Variants in PARP8 observed in about 807,000 individuals in gnomAD.
PARP8 encodes protein mono-ADP-ribosyltransferase PARP8.
PARP8 carries 51 observed loss-of-function variants against 124.1 expected under a neutral mutation model. That is an observed-to-expected ratio of 0.41 (90% CI 0.33 to 0.52). The LOEUF (loss-of-function observed/expected upper bound fraction) is 0.52. Ranked by LOEUF, PARP8 falls within the 20% of genes least tolerant of loss-of-function variation. The probability of loss-of-function intolerance (pLI) is 0.21; values close to 1 mark genes in which losing one functional copy is unlikely to be tolerated. For missense variants in PARP8, 860 were observed against 1,018.9 expected, an observed-to-expected ratio of 0.84 and a Z score of 2.12; for synonymous variants, 391 against 361.5, an observed-to-expected ratio of 1.08 and a Z score of -0.93.
At chr5:50,744,990 T>A in intron 2 of PARP8, 1 of 495,226 alleles carries the variant, frequency 2.0e-6, no homozygotes, top group Non-Finnish European at 3.6e-6. Flanking sequence ...CTTGAGCCAA[T>A]CATCCATGTC....
At chr5:50,744,954 G>C in intron 2 of PARP8, 1 of 544,712 alleles carries the variant, frequency 1.8e-6, no homozygotes, top group Non-Finnish European at 3.3e-6. Flanking sequence ...TTCTTTCCAC[G>C]TTTTTTTGGT....
intron 2 of PARP8, among the ~76,000 whole-genome samples, chr5:50,672,838 G>A (rs1750188193): frequency 6.6e-6 from 1 of 152,082 alleles, no homozygotes. Flanking sequence ...GAAAGGAGAA[G>A]TGTATGTGTG....
At chr5:50,746,656 C>A (rs1758574027) in intron 2 of PARP8, among the ~76,000 whole-genome samples, 1 of 152,108 alleles carries the variant, frequency 6.6e-6, no homozygotes, top group Admixed American at 6.5e-5. Context: ...AAAGGTGTTA[C>A]CTCTGATATA....
At chr5:50,736,114 T>TAAC (rs752330326) in intron 2 of PARP8, among the ~76,000 whole-genome samples, 4 of 151,824 alleles carry the variant, frequency 2.6e-5, no homozygotes, top group Non-Finnish European at 4.4e-5. Context: ...CCATCAACAA[T>TAAC]AACAACAATC....
intron 14 of PARP8, among the ~76,000 whole-genome samples, chr5:50,803,323 C>T (rs1445214231): frequency 2.6e-5 from 4 of 152,028 alleles, no homozygotes; most frequent in African/African-American, 9.7e-5. Context: ...TAAATTTATC[C>T]TATTTGGAGT....
At chr5:50,807,656 C>A (rs770453747) in intron 14 of PARP8, among the ~76,000 whole-genome samples, 1 of 152,060 alleles carries the variant, frequency 6.6e-6, no homozygotes, top group Non-Finnish European at 1.5e-5. Context: ...TCACCTCAAT[C>A]GTGGATTGGT....
intron 9 of PARP8, among the ~76,000 whole-genome samples, chr5:50,780,917 G>A (rs867379052): frequency 2.4e-5 from 1 of 42,092 alleles, no homozygotes; most frequent in Non-Finnish European, 4.4e-5. Context: ...GTTTTGTTGT[G>A]TACTTTTTGG....
At chr5:50,788,721 C>T (rs1331597565) in intron 10 of PARP8, 132 bp downstream of exon 10, 1 of 708,804 alleles carries the variant, frequency 1.4e-6, no homozygotes, top group African/African-American at 1.8e-5. Context: ...GAGAGGAAAT[C>T]ATCATGATGC....
chr5:50,753,507 C>T (rs1217791094), intron 3 of PARP8, among the ~76,000 whole-genome samples: 2 of 151,928 alleles, frequency 1.3e-5, no homozygotes, highest in African/African-American at 4.8e-5. Context: ...TTTTTAGTGA[C>T]AATACTTTCC....
intron 7 of PARP8, among the ~76,000 whole-genome samples, chr5:50,764,470 AT>A (rs1266156811): frequency 1.3e-5 from 2 of 152,234 alleles, no homozygotes; most frequent in Non-Finnish European, 2.9e-5. Flanking sequence ...CACAGCTGTA[AT>A]TTATAATTGC....
intron 2 of PARP8, among the ~76,000 whole-genome samples, chr5:50,733,887 T>G (rs1420464803): frequency 2.0e-5 from 3 of 152,164 alleles, no homozygotes; most frequent in Non-Finnish European, 4.4e-5. Context: ...ACTTACTTGT[T>G]TCTGGTACGT....
intron 14 of PARP8, among the ~76,000 whole-genome samples, chr5:50,805,486 A>C (rs1194566103): frequency 6.6e-6 from 1 of 152,108 alleles, no homozygotes; most frequent in Non-Finnish European, 1.5e-5. Context: ...TATAGGTAGA[A>C]GTTTGGCTTT....
intron 14 of PARP8, among the ~76,000 whole-genome samples, chr5:50,806,306 A>G (rs1365286279): frequency 1.3e-5 from 2 of 151,980 alleles, no homozygotes; most frequent in African/African-American, 4.8e-5. Context: ...TGTGGACTTG[A>G]ATTGACTACA....
At chr5:50,748,825 C>T (rs1445585942) in intron 2 of PARP8, among the ~76,000 whole-genome samples, 1 of 152,156 alleles carries the variant, frequency 6.6e-6, no homozygotes, top group Admixed American at 6.6e-5. Context: ...TTTGTGCTTT[C>T]CTGTTTCAGA....
At chr5:50,751,232 T>A (rs778485322) in intron 3 of PARP8, among the ~76,000 whole-genome samples, 1 of 152,068 alleles carries the variant, frequency 6.6e-6, no homozygotes, top group Non-Finnish European at 1.5e-5. Flanking sequence ...AGTGTTTAGC[T>A]CCCTCTTGTG....
intron 14 of PARP8, among the ~76,000 whole-genome samples, chr5:50,806,241 G>C (rs1743827600): frequency 6.6e-6 from 1 of 151,956 alleles, no homozygotes. Flanking sequence ...AAGTAATAGA[G>C]ATAGGATTCT....
intron 2 of PARP8, among the ~76,000 whole-genome samples, chr5:50,709,922 GTATATATATATATA>G (rs200521595): frequency 1.9e-4 from 18 of 93,928 alleles, no homozygotes; most frequent in Admixed American, 9.2e-4. Context: ...TAGAAAGAGT[GTATATATATATATA>G]TATATATATA....
intron 9 of PARP8, among the ~76,000 whole-genome samples, chr5:50,781,566 A>G (rs256341): frequency 0.11 from 16,069 of 152,118 alleles, 886 homozygotes; most frequent in South Asian, 0.16. Flanking sequence ...CTGGTGCCCT[A>G]CCCTGTTCCC....
intron 2 of PARP8, among the ~76,000 whole-genome samples, chr5:50,696,715 C>G (rs760442237): frequency 2.6e-5 from 4 of 152,062 alleles, no homozygotes; most frequent in Non-Finnish European, 5.9e-5. Context: ...GTTTGTTTCA[C>G]GCCATCCCTA....
Sources: allele counts gnomAD v4.1 joint callset (sites outside exome capture counted in the v4.1 genomes callset), GRCh38; gene constraint gnomAD v4.1.1; transcripts MANE v1.5; gene names NCBI Gene and HGNC (gene_info 2026-07-23, HGNC 2026-07-21).